MYBPC3: variants seen among roughly 807,000 people sequenced by gnomAD.
The protein encoded by MYBPC3 is myosin binding protein C3.
MYBPC3 carries 108 observed loss-of-function variants against 159.3 expected under a neutral mutation model. The observed-to-expected ratio is 0.68, with a 90% CI of 0.58 to 0.80. MYBPC3 has a LOEUF of 0.80. Ranked by LOEUF, MYBPC3 falls within the 30% of genes least tolerant of loss-of-function variation. The pLI is 0.00. For missense variants in MYBPC3, 1,631 were observed against 1,762.1 expected, an observed-to-expected ratio of 0.93 and a Z score of 1.33; for synonymous variants, 730 against 702.0, an observed-to-expected ratio of 1.04 and a Z score of -0.63.
At chr11:47,345,056 C>T (rs1346967076) in intron 12 of MYBPC3, among the ~76,000 whole-genome samples, 1 of 152,220 alleles carries the variant, frequency 6.6e-6, no homozygotes, top group African/African-American at 2.4e-5. Context: ...TCCCAAAGTG[C>T]TGGGATTACA....
In MYBPC3 at chr11:47,351,788, T is replaced by C. The variant is rs1408380332; in HGVS notation, c.26-283A>G. Among the ~76,000 whole-genome samples the C allele has an allele frequency of 6.6e-6, 1 of 152,116 alleles. No homozygotes were observed. The highest frequency in any genetic ancestry group is 1.5e-5 in the Non-Finnish European group (1 of 68,012). On this transcript the variant is annotated intron_variant, in intron 1 of 34. Transcript: ENST00000545968. This position sits in a 1 kb window ranked among gnomAD's most constrained non-coding sequence, Gnocchi z 4.2. Reference sequence around the variant, plus strand: ...AAGACTTTTTCTGCATGTGTCCACTTTCCCTGCTTGGAGACACCCGTGATG... The same window carrying C: ...AAGACTTTTTCTGCATGTGTCCACTCTCCCTGCTTGGAGACACCCGTGATG...
intron 33 of MYBPC3, 74 bp downstream of exon 33, chr11:47,331,998 C>A: frequency 6.3e-7 from 1 of 1,593,852 alleles, no homozygotes. Flanking sequence ...CCGAGGACAA[C>A]GGAGCAAAGC....
chr11:47,338,788 G>C lies in MYBPC3; in HGVS notation c.2149-109C>G. 7.8e-7 allele frequency: 1 copy of C among 1,282,490 alleles called. No homozygotes were observed. Among genetic ancestry groups the C allele is most frequent in the Non-Finnish European group, 1.1e-6 (1 of 951,804 alleles). 79.4% of individuals were successfully genotyped at this position (1,282,490 alleles called of 1,614,324 possible). ...GGTCCATGGGGGGAACACAGCCTGT[G>C]GGAAGACTGCATCCACGTCAGCATC... On this transcript the variant is annotated intron_variant, in intron 22 of 34. Transcript: ENST00000545968. The surrounding 1 kb of genome is among the most constrained non-coding windows in gnomAD (Gnocchi z 4.7).
chr11:47,331,633 T>A lies in MYBPC3; in HGVS notation c.*110A>T, dbSNP rs1453800668. The stretch of plus-strand genomic sequence containing the variant: ...CCCCATCGCAGCACAGGAGACACAC[T>A]TGTCACACATACATCCAACAGTAGG... On this transcript the variant is annotated 3_prime_UTR_variant, in exon 35 of 35. Transcript: ENST00000545968. The A allele has an allele frequency of 1.8e-6, 1 of 568,822 alleles. No homozygotes were observed. The highest frequency in any genetic ancestry group is 3.1e-6 in the Non-Finnish European group (1 of 320,786). 35.2% of individuals were successfully genotyped at this position (568,822 alleles called of 1,614,324 possible).
intron 4 of MYBPC3, 35 bp from the exon 5 acceptor site, chr11:47,349,957 A>T (rs941342183): frequency 8.3e-6 from 13 of 1,571,234 alleles, no homozygotes; most frequent in Non-Finnish European, 1.1e-5. Flanking sequence ...CGGCTTGGGG[A>T]GTGTCCTGCT....
intron 6 of MYBPC3, 30 bp from the exon 7 acceptor site, chr11:47,347,935 A>G (rs1226863581): frequency 6.4e-7 from 1 of 1,563,078 alleles, no homozygotes; most frequent in Non-Finnish European, 8.7e-7. Flanking sequence ...AGATGGGGGA[A>G]GGGGCTTCAG....
Position 47,350,587 on chromosome 11 carries a change from G to A in MYBPC3, c.321C>T (p.Ala107=). ...AEKAEPMLAP[A]PAPAEATGAP... The stretch of plus-strand genomic sequence containing the variant: ...CTCCAGTGGCCTCAGCAGGGGCAGG[G>A]GCAGGGGCCAGCATGGGCTCTGCCT... The change falls in exon 3 of 35, where the codon GCC becomes GCT. Residue 107 remains alanine, a synonymous_variant. Transcript: ENST00000545968. 1 of 1,522,828 alleles carries A rather than the reference G, an allele frequency of 6.6e-7. No individual in the cohort carries two copies. Among genetic ancestry groups the A allele is most frequent in the Non-Finnish European group, 8.7e-7 (1 of 1,143,976 alleles). 94.3% of individuals were successfully genotyped at this position (1,522,828 alleles called of 1,614,324 possible).
chr11:47,337,573 A>T lies in MYBPC3; in HGVS notation c.2420T>A (p.Ile807Asn), dbSNP rs1215805817. The T allele has an allele frequency of 6.2e-7, 1 of 1,613,846 alleles. No homozygotes were observed. The highest frequency in any genetic ancestry group is 8.5e-7 in the Non-Finnish European group (1 of 1,179,860). ...GCTCTTCTTCTTCTTGCGCTCCAGGATGTAGCCTGGCTCAGGGGAGGTGGC... is the reference window on the plus strand; with the variant it reads ...GCTCTTCTTCTTCTTGCGCTCCAGGTTGTAGCCTGGCTCAGGGGAGGTGGC... The part of the protein sequence containing the change: ...YDGGQPILGY[I>N]LERKKKKSYR... Residue 807 changes from isoleucine (I) to asparagine (N), a missense_variant, in exon 25 of 35, where the codon ATC becomes AAC. Transcript: ENST00000545968.
At position 47,337,694 on chromosome 11, in the gene MYBPC3, G is replaced by T. The variant is rs202088839; in HGVS notation, c.2409C>A (p.Ile803=). 93 of 1,584,644 alleles carry T rather than the reference G, an allele frequency of 5.9e-5. No homozygotes were observed. Among genetic ancestry groups the T allele is most frequent in the Non-Finnish European group, 7.5e-5 (87 of 1,165,606 alleles). The part of the protein sequence containing the change: ...EPPAYDGGQP[I]LGYILERKKK... ...ATCCGGTGCCCTTGCACTCACCCAG[G>T]ATGGGCTGCCCGCCATCGTAGGCAG... The change falls in exon 24 of 35, where the codon ATC becomes ATA. Residue 803 remains isoleucine, a synonymous_variant. Transcript: ENST00000545968.
intron 17 of MYBPC3, 99 bp from the exon 18 acceptor site, chr11:47,342,255 T>C: frequency 7.0e-7 from 1 of 1,422,390 alleles, no homozygotes; most frequent in Non-Finnish European, 9.5e-7. Flanking sequence ...GGTGCGCACG[T>C]GTCTGGGTGC....
intron 29 of MYBPC3, 47 bp from the exon 30 acceptor site, chr11:47,333,380 G>T: frequency 6.6e-7 from 1 of 1,516,616 alleles, no homozygotes. Flanking sequence ...CTGACAGTGA[G>T]CAGGGGGTCA....
Position 47,346,615 on chromosome 11 carries a change from T to G in MYBPC3, c.926+12A>C. The G allele has an allele frequency of 6.3e-7, 1 of 1,588,228 alleles. No homozygotes were observed. Among genetic ancestry groups the G allele is most frequent in the Non-Finnish European group, 8.6e-7 (1 of 1,167,356 alleles). On this transcript the variant is annotated intron_variant, in intron 11 of 34. Coordinates refer to ENST00000545968, the MANE Select transcript of MYBPC3 (RefSeq NM_000256.3). This position sits in a 1 kb window ranked among gnomAD's most constrained non-coding sequence, Gnocchi z 5.3. ...GGGGTGATGAGGGTGCTGTGCTATG[T>G]TGGGCACTCACCTCGGGGTCCGGAA...
At chr11:47,349,684 T>C in intron 5 of MYBPC3, 90 bp downstream of exon 5, 1 of 1,483,934 alleles carries the variant, frequency 6.7e-7, no homozygotes, top group Non-Finnish European at 9.0e-7. Context: ...TGTGTGCCTC[T>C]GGGTCTCATG....
Position 47,332,955 on chromosome 11 carries a change from C to T in MYBPC3, c.3349G>A (p.Glu1117Lys), listed in dbSNP as rs1555120382. Residue 1117 changes from glutamate to lysine, a missense_variant, in exon 31 of 35, where the codon GAG (glutamate) becomes AAG (lysine). Physicochemically the swap from Glu to Lys is moderately conservative, Grantham distance 56 (BLOSUM62 1). Transcript: ENST00000545968. The surrounding 1 kb of genome is among the most constrained non-coding windows in gnomAD (Gnocchi z 4.2). ...KKTMEWFTVL[E>K]HYRRTHCVVP... ...ACGCAGTGGGTGCGGCGGTAATGCT[C>T]CAAGACGGTGAACCACTCCTGGGGG... is the stretch of plus-strand genomic sequence containing the variant. 3 of 1,610,686 alleles carry T rather than the reference C, an allele frequency of 1.9e-6. No homozygotes were observed. The highest frequency in any genetic ancestry group is 1.7e-6 in the Non-Finnish European group (2 of 1,178,696).
At chr11:47,340,590 C>G (rs2095887495) in intron 20 of MYBPC3, among the ~76,000 whole-genome samples, 1 of 152,150 alleles carries the variant, frequency 6.6e-6, no homozygotes, top group African/African-American at 2.4e-5. Context: ...TGGTGTGAAC[C>G]TGGGAGGCGG....
At chr11:47,341,933 C>T in intron 18 of MYBPC3, 58 bp downstream of exon 18, 1 of 1,541,286 alleles carries the variant, frequency 6.5e-7, no homozygotes, top group Admixed American at 2.0e-5. Flanking sequence ...CTCCCTGTGT[C>T]TCTCTCTGTC....
rs759515993 is a variant in MYBPC3 at position 47,347,863 on chromosome 11, C to T, written c.815G>A (p.Arg272His). The stretch of plus-strand genomic sequence containing the variant: ...CCTGAGGATGGCCACTCACGTGCGG[C>T]GGAAGGCTGATAGGAGGTCCAGGTC... ...TGDLDLLSAF[R>H]RTSLAGGGRR... The change falls in exon 7 of 35, where the codon CGC (arginine) becomes CAC (histidine). Residue 272 changes from arginine (R) to histidine (H), a missense_variant. Physicochemically the swap from Arg to His is conservative, Grantham distance 29. Transcript: ENST00000545968. 7.7e-6 allele frequency: 12 copies of T among 1,567,104 alleles called. No homozygotes were observed. Among genetic ancestry groups the T allele is most frequent in the East Asian group, 7.1e-5 (3 of 42,060 alleles).
rs747738308 is a variant in MYBPC3, at chr11:47,332,943, G to A, written c.3361C>T (p.Arg1121Cys). 1.5e-5 allele frequency: 24 copies of A among 1,610,752 alleles called. No homozygotes were observed. Among genetic ancestry groups the A allele is most frequent in the Middle Eastern group, 1.7e-4 (1 of 6,054 alleles). The change falls in exon 31 of 35, where the codon CGC (arginine) becomes TGC (cysteine). Residue 1121 changes from arginine (R) to cysteine (C), a missense_variant. Coordinates refer to ENST00000545968, the MANE Select transcript of MYBPC3 (RefSeq NM_000256.3). The surrounding 1 kb of genome is among the most constrained non-coding windows in gnomAD (Gnocchi z 4.2). ...EWFTVLEHYR[R>C]THCVVPELII... ...AGCTCTGGCACCACGCAGTGGGTGC[G>A]GCGGTAATGCTCCAAGACGGTGAAC...
In MYBPC3 at chr11:47,343,018, C is replaced by T; in HGVS notation, c.1351+3G>A. 6.2e-7 allele frequency: 1 copy of T among 1,613,254 alleles called. No individual in the cohort carries two copies. Among genetic ancestry groups the T allele is most frequent in the Middle Eastern group, 1.6e-4 (1 of 6,062 alleles). On this transcript the variant is annotated splice_donor_region_variant and intron_variant, in intron 15 of 34. Transcript: ENST00000545968. ...TTCCCACATCCTCAGGTCCCAGGCC[C>T]ACCTTTCACAAAGAGCTCCGTGCTA...
Sources: allele counts gnomAD v4.1 joint callset (sites outside exome capture counted in the v4.1 genomes callset), GRCh38; gene constraint gnomAD v4.1.1; non-coding constraint Gnocchi (gnomAD v3.1); transcripts MANE v1.5; gene names NCBI Gene and HGNC (gene_info 2026-07-23, HGNC 2026-07-21).